Variants in KIRREL3 observed in about 807,000 individuals in gnomAD.
KIRREL3 encodes the protein kirre like nephrin family adhesion molecule 3.
KIRREL3 carries 36 observed loss-of-function variants against 89.7 expected under a neutral mutation model. The observed-to-expected ratio is 0.40, with a 90% CI of 0.31 to 0.53. The LOEUF (loss-of-function observed/expected upper bound fraction) is 0.53. Among genes scored for constraint, KIRREL3 ranks in the 20% least tolerant of loss-of-function variants. The pLI is 0.49. For synonymous variants in KIRREL3, 445 were observed against 441.4 expected (o/e 1.01, Z -0.10); for missense variants, 864 against 1,056.6 (o/e 0.82, Z 2.53).
chr11:126,934,062 A>G lies in KIRREL3; in HGVS notation c.55+66393T>C, dbSNP rs185893538. 1.1e-4 allele frequency among the ~76,000 whole-genome samples: 16 copies of G among 152,312 alleles called. No homozygotes were observed. The East Asian group carries it at 3.1e-3, about 29-fold the overall frequency. On this transcript the variant is annotated intron_variant, in intron 1 of 16. Transcript: ENST00000525144. The stretch of plus-strand genomic sequence containing the variant: ...CATTTAAATTTCCTGGTTTTAAAAC[A>G]TACTACAAAGTTACAGTAATCCACA...
intron 1 of KIRREL3, among the ~76,000 whole-genome samples, chr11:126,973,727 A>G (rs1949494734): frequency 6.6e-6 from 1 of 152,164 alleles, no homozygotes; most frequent in Non-Finnish European, 1.5e-5. Context: ...CTTTTTACAG[A>G]GTTTGGAAGA....
Position 126,475,514 on chromosome 11 carries a change from T to G in KIRREL3, c.434-2048A>C, listed in dbSNP as rs956059381. Reference sequence around the variant, plus strand: ...GCCATTTCCTGAGGAACAAGCAACCTCCCAGGGCTTCCGAGAAGCCATCAC... The same window carrying G: ...GCCATTTCCTGAGGAACAAGCAACCGCCCAGGGCTTCCGAGAAGCCATCAC... On this transcript the variant is annotated intron_variant, in intron 4 of 16. Transcript: ENST00000525144. This position sits in a 1 kb window ranked among gnomAD's most constrained non-coding sequence, Gnocchi z 7.5. Among the ~76,000 whole-genome samples the G allele has an allele frequency of 1.3e-5, 2 of 151,502 alleles. No homozygotes were observed. The highest frequency in any genetic ancestry group is 6.6e-5 in the Admixed American group (1 of 15,240).
intron 1 of KIRREL3, among the ~76,000 whole-genome samples, chr11:126,929,511 C>A (rs149499026): frequency 3.4e-4 from 51 of 151,882 alleles, no homozygotes; most frequent in African/African-American, 1.2e-3. Flanking sequence ...GAAACAAAAC[C>A]TAAGAAGCAG....
In KIRREL3 at chr11:126,898,744, A is replaced by C. The variant is rs1946259982; in HGVS notation, c.55+101711T>G. Among the ~76,000 whole-genome samples, 1 of 152,186 alleles carries C rather than the reference A, an allele frequency of 6.6e-6. No individual in the cohort carries two copies. The highest frequency in any genetic ancestry group is 2.4e-5 in the African/African-American group (1 of 41,448). On this transcript the variant is annotated intron_variant, in intron 1 of 16. Transcript: ENST00000525144. This position sits in a 1 kb window ranked among gnomAD's most constrained non-coding sequence, Gnocchi z 4.9. ...ATGGAAGTGAGGACCAGAGACGAAG[A>C]TGGAAAATATAAAAAAAGAGAGTTC...
intron 1 of KIRREL3, among the ~76,000 whole-genome samples, chr11:126,849,772 G>A (rs1347875856): frequency 6.6e-6 from 1 of 152,156 alleles, no homozygotes; most frequent in Non-Finnish European, 1.5e-5. Flanking sequence ...CAGCACCCAG[G>A]AGTCACAGGT....
chr11:126,483,684 T>C (rs998620718), intron 4 of KIRREL3, among the ~76,000 whole-genome samples: 2 of 152,118 alleles, frequency 1.3e-5, no homozygotes, highest in African/African-American at 4.8e-5. Context: ...TCCAGTGAGG[T>C]CTCATCTCTG....
chr11:126,905,047 G>A lies in KIRREL3; in HGVS notation c.55+95408C>T, dbSNP rs764041645. Among the ~76,000 whole-genome samples, 1 of 152,146 alleles carries A rather than the reference G, an allele frequency of 6.6e-6. No individual in the cohort carries two copies. The highest frequency in any genetic ancestry group is 2.1e-4 in the South Asian group (1 of 4,818). On this transcript the variant is annotated intron_variant, in intron 1 of 16. Transcript: ENST00000525144. The surrounding 1 kb of genome is among the most constrained non-coding windows in gnomAD (Gnocchi z 5.0). ...GAGGGGAGAGACATTTCAAGAGACTGGGTCATTCCCTGGTTTGGCAAAAAG... is the reference window on the plus strand; with the variant it reads ...GAGGGGAGAGACATTTCAAGAGACTAGGTCATTCCCTGGTTTGGCAAAAAG...
chr11:126,987,760 C>T lies in KIRREL3; in HGVS notation c.55+12695G>A, dbSNP rs1014501035. The stretch of plus-strand genomic sequence containing the variant: ...ATTCCTCCTCTGTATTGCTCTGATT[C>T]GATCTAAAGGAGCTTTGAAAACGTC... On this transcript the variant is annotated intron_variant, in intron 1 of 16. Coordinates refer to ENST00000525144, the MANE Select transcript of KIRREL3 (RefSeq NM_032531.4). This position sits in a 1 kb window ranked among gnomAD's most constrained non-coding sequence, Gnocchi z 4.6. Among the ~76,000 whole-genome samples, 5 of 152,168 alleles carry T rather than the reference C, an allele frequency of 3.3e-5. No individual in the cohort carries two copies. Among genetic ancestry groups the T allele is most frequent in the East Asian group, 1.9e-4 (1 of 5,194 alleles).
At chr11:126,504,828 C>T (rs1957972426) in intron 4 of KIRREL3, among the ~76,000 whole-genome samples, 1 of 152,112 alleles carries the variant, frequency 6.6e-6, no homozygotes, top group Non-Finnish European at 1.5e-5. Flanking sequence ...ATTTTTATCC[C>T]AGGAATTCAA....
In KIRREL3 at chr11:126,508,051, G is replaced by T. The variant is rs1958084766; in HGVS notation, c.433+13264C>A. Among the ~76,000 whole-genome samples, 1 of 152,198 alleles carries T rather than the reference G, an allele frequency of 6.6e-6. No homozygotes were observed. The highest frequency in any genetic ancestry group is 2.1e-4 in the South Asian group (1 of 4,834). On this transcript the variant is annotated intron_variant, in intron 4 of 16. Coordinates refer to ENST00000525144, the MANE Select transcript of KIRREL3 (RefSeq NM_032531.4). This position sits in a 1 kb window ranked among gnomAD's most constrained non-coding sequence, Gnocchi z 4.9. ...TAGGGCAGAGATAGTCCTTCCTGGG[G>T]GGTGGCTGTGTGGCCATCAGCCTTC...
chr11:126,583,896 C>G (rs929534862), intron 1 of KIRREL3, among the ~76,000 whole-genome samples: 11 of 152,204 alleles, frequency 7.2e-5, no homozygotes, highest in Admixed American at 1.3e-4. Context: ...GCTGTGGAGG[C>G]TGCTGGTGGC....
In KIRREL3 at chr11:126,689,942, G is replaced by A. The variant is rs748958566; in HGVS notation, c.56-127030C>T. On this transcript the variant is annotated intron_variant, in intron 1 of 16. Coordinates refer to ENST00000525144, the MANE Select transcript of KIRREL3 (RefSeq NM_032531.4). The surrounding 1 kb of genome is among the most constrained non-coding windows in gnomAD (Gnocchi z 5.2). ...TAGTGAAACAGGGATGGGAGTGTGA[G>A]AGTTGATGCTTCTTTTAGACCCTAT... is the stretch of plus-strand genomic sequence containing the variant. Among the ~76,000 whole-genome samples the A allele has an allele frequency of 6.6e-6, 1 of 152,198 alleles. No homozygotes were observed. The highest frequency in any genetic ancestry group is 1.5e-5 in the Non-Finnish European group (1 of 68,036).
chr11:126,886,923 C>T (rs1410402022), intron 1 of KIRREL3, among the ~76,000 whole-genome samples: 3 of 150,638 alleles, frequency 2.0e-5, no homozygotes, highest in African/African-American at 4.9e-5. Flanking sequence ...TCAGAAATGT[C>T]TCCTCAGGGG....
rs1269423642 is a variant in KIRREL3, at chr11:126,766,403, ATCT to A, written c.56-203494_56-203492del. 6.6e-6 allele frequency among the ~76,000 whole-genome samples: 1 copy of A among 152,108 alleles called. No individual in the cohort carries two copies. Among genetic ancestry groups the A allele is most frequent in the Non-Finnish European group, 1.5e-5 (1 of 68,010 alleles). ...TTGGGGAGAGAGGGGTAGAGTTAGA[ATCT>A]TCTGCTATTTTGCTTTTTCTCTCTT... is the stretch of plus-strand genomic sequence containing the variant. On this transcript the variant is annotated intron_variant, in intron 1 of 16. Transcript: ENST00000525144. The surrounding 1 kb of genome is among the most constrained non-coding windows in gnomAD (Gnocchi z 4.2).
In KIRREL3 at chr11:126,764,809, C is replaced by A. The variant is rs1180574021; in HGVS notation, c.56-201897G>T. 1.3e-5 allele frequency among the ~76,000 whole-genome samples: 2 copies of A among 152,188 alleles called. No homozygotes were observed. Among genetic ancestry groups the A allele is most frequent in the Non-Finnish European group, 2.9e-5 (2 of 68,034 alleles). On this transcript the variant is annotated intron_variant, in intron 1 of 16. Coordinates refer to ENST00000525144, the MANE Select transcript of KIRREL3 (RefSeq NM_032531.4). The surrounding 1 kb of genome is among the most constrained non-coding windows in gnomAD (Gnocchi z 4.2). ...AAACGCGGCTATTTTCACAGTCCAA[C>A]TTCAGAACTCAGAGGGGCAGCTCTC...
rs150485978 is a variant in KIRREL3, at chr11:126,601,993, G to A, written c.56-39081C>T. Among the ~76,000 whole-genome samples, 2 of 152,200 alleles carry A rather than the reference G, an allele frequency of 1.3e-5. No individual in the cohort carries two copies. Among genetic ancestry groups the A allele is most frequent in the Non-Finnish European group, 2.9e-5 (2 of 68,038 alleles). On this transcript the variant is annotated intron_variant, in intron 1 of 16. Transcript: ENST00000525144. This position sits in a 1 kb window ranked among gnomAD's most constrained non-coding sequence, Gnocchi z 5.8. ...CCTGACAGAGTCACAGAAGCTGACC[G>A]CTGCGAGGCAGGGGCTGCGGCCTTT...
chr11:126,568,533 G>A lies in KIRREL3; in HGVS notation c.56-5621C>T, dbSNP rs1200539213. Among the ~76,000 whole-genome samples the A allele has an allele frequency of 2.6e-5, 4 of 152,206 alleles. No individual in the cohort carries two copies. Among genetic ancestry groups the A allele is most frequent in the African/African-American group, 9.6e-5 (4 of 41,460 alleles). Reference sequence around the variant, plus strand: ...CCCCAGACAGTGCCTGAGATCATCTGGAGGAGACACCAGCTGGGTTTGGTT... The same window carrying A: ...CCCCAGACAGTGCCTGAGATCATCTAGAGGAGACACCAGCTGGGTTTGGTT... On this transcript the variant is annotated intron_variant, in intron 1 of 16. Coordinates refer to ENST00000525144, the MANE Select transcript of KIRREL3 (RefSeq NM_032531.4). The surrounding 1 kb of genome is among the most constrained non-coding windows in gnomAD (Gnocchi z 4.6).
At position 126,609,141 on chromosome 11, in the gene KIRREL3, C is replaced by T. The variant is rs930361243; in HGVS notation, c.56-46229G>A. On this transcript the variant is annotated intron_variant, in intron 1 of 16. Coordinates refer to ENST00000525144, the MANE Select transcript of KIRREL3 (RefSeq NM_032531.4). The surrounding 1 kb of genome is among the most constrained non-coding windows in gnomAD (Gnocchi z 5.0). ...GCACTGCAGCGAGACCTGACCACCGCCCAGCCCAGGTTGGGTTTGTTTTCC... is the reference window on the plus strand; with the variant it reads ...GCACTGCAGCGAGACCTGACCACCGTCCAGCCCAGGTTGGGTTTGTTTTCC... Among the ~76,000 whole-genome samples the T allele has an allele frequency of 3.3e-5, 5 of 152,186 alleles. No homozygotes were observed. Among genetic ancestry groups the T allele is most frequent in the Non-Finnish European group, 5.9e-5 (4 of 68,036 alleles).
chr11:126,552,031 G>A (rs1939307009), intron 2 of KIRREL3, among the ~76,000 whole-genome samples: 2 of 152,198 alleles, frequency 1.3e-5, no homozygotes, highest in African/African-American at 4.8e-5. Context: ...AGGCATCTGG[G>A]GATACCAAGC....
Sources: gnomAD v4.1 joint callset for allele counts (sites outside exome capture counted in the v4.1 genomes callset) on GRCh38, gnomAD v4.1.1 for gene constraint, Gnocchi (gnomAD v3.1) non-coding constraint, MANE v1.5 for transcripts, NCBI Gene and HGNC (gene_info 2026-07-23, HGNC 2026-07-21) for gene names.